The following ST6GALNAC3 variants were observed in gnomAD, a reference collection of about 807,000 sequenced individuals.
The protein encoded by ST6GALNAC3 is alpha-N-acetylgalactosaminide alpha-2,6-sialyltransferase 3.
Under a neutral mutation model 32.7 loss-of-function variants are expected in ST6GALNAC3, and 25 were observed. That is an observed-to-expected ratio of 0.76 (90% CI 0.56 to 1.07). The LOEUF is 1.07. ST6GALNAC3 is among the 50% of genes least tolerant of loss of function. ST6GALNAC3 has a pLI of 0.00. For synonymous variants in ST6GALNAC3, 129 were observed against 133.1 expected (o/e 0.97, Z 0.21); for missense variants, 355 against 382.4 (o/e 0.93, Z 0.60).
In ST6GALNAC3 at chr1:76,151,810, T is replaced by C. The variant is rs149925853; in HGVS notation, c.18+76926T>C. 5.1e-3 allele frequency among the ~76,000 whole-genome samples: 774 copies of C among 152,278 alleles called. 8 individuals are homozygous for C. The highest frequency in any genetic ancestry group is 0.017 in the African/African-American group (713 of 41,558). Reference sequence around the variant, plus strand: ...CTTTGCTGCAGGTCCCATCCCGGATTCACCTTCCCAGGGATGCTAGATGGG... The same window carrying C: ...CTTTGCTGCAGGTCCCATCCCGGATCCACCTTCCCAGGGATGCTAGATGGG... On this transcript the variant is annotated intron_variant, in intron 1 of 4. Coordinates refer to ENST00000328299, the MANE Select transcript of ST6GALNAC3 (RefSeq NM_152996.4).
At chr1:76,399,189 A>G (rs1016564830) in intron 2 of ST6GALNAC3, among the ~76,000 whole-genome samples, 9 of 152,076 alleles carry the variant, frequency 5.9e-5, no homozygotes, top group South Asian at 2.1e-4. Context: ...GGATAGTATA[A>G]TTCATTTTAT....
chr1:76,107,458 A>G (rs1647616205), intron 1 of ST6GALNAC3, among the ~76,000 whole-genome samples: 1 of 152,156 alleles, frequency 6.6e-6, no homozygotes. Context: ...GATTGGTCTG[A>G]TTGTCAAAGT....
At chr1:76,231,858 A>G (rs993187769) in intron 1 of ST6GALNAC3, among the ~76,000 whole-genome samples, 2 of 152,208 alleles carry the variant, frequency 1.3e-5, no homozygotes, top group Non-Finnish European at 2.9e-5. Context: ...TATTCCCAGA[A>G]GTGGAATTGC....
intron 1 of ST6GALNAC3, among the ~76,000 whole-genome samples, chr1:76,193,088 G>C (rs1487637091): frequency 1.3e-5 from 2 of 152,070 alleles, no homozygotes; most frequent in Admixed American, 1.3e-4. Context: ...AAGCTTTTGT[G>C]CTTCTGAGTA....
intron 1 of ST6GALNAC3, among the ~76,000 whole-genome samples, chr1:76,255,870 G>A (rs1014920875): frequency 7.9e-5 from 12 of 151,858 alleles, no homozygotes; most frequent in African/African-American, 2.9e-4. Context: ...ATAAAAGGCA[G>A]GAAAAGTAGG....
At chr1:76,537,403 C>A (rs987128632) in intron 3 of ST6GALNAC3, among the ~76,000 whole-genome samples, 1 of 152,122 alleles carries the variant, frequency 6.6e-6, no homozygotes, top group Non-Finnish European at 1.5e-5. Flanking sequence ...CCTACCATCA[C>A]AATTAAAAGA....
At chr1:76,610,051 A>G (rs958630137) in intron 3 of ST6GALNAC3, among the ~76,000 whole-genome samples, 6 of 152,012 alleles carry the variant, frequency 3.9e-5, no homozygotes, top group African/African-American at 1.5e-4. Flanking sequence ...TGTTTCTCTT[A>G]TTTTAGTATC....
chr1:76,297,274 A>C (rs1054299228), intron 1 of ST6GALNAC3, among the ~76,000 whole-genome samples: 4 of 152,052 alleles, frequency 2.6e-5, no homozygotes, highest in African/African-American at 9.7e-5. Flanking sequence ...CTCAATATCC[A>C]CAGCAATAAT....
At chr1:76,604,217 A>G (rs1167138859) in intron 3 of ST6GALNAC3, among the ~76,000 whole-genome samples, 2 of 152,218 alleles carry the variant, frequency 1.3e-5, no homozygotes, top group Non-Finnish European at 2.9e-5. Flanking sequence ...CAAGATTACC[A>G]AAACAATGCA....
At chr1:76,378,686 A>G (rs887451913) in intron 2 of ST6GALNAC3, among the ~76,000 whole-genome samples, 2 of 149,854 alleles carry the variant, frequency 1.3e-5, no homozygotes, top group African/African-American at 4.9e-5. Context: ...AAAATTAAAA[A>G]TTTGCTTTTT....
intron 2 of ST6GALNAC3, among the ~76,000 whole-genome samples, chr1:76,390,417 A>G (rs1489935118): frequency 6.6e-6 from 1 of 152,180 alleles, no homozygotes; most frequent in Non-Finnish European, 1.5e-5. Context: ...TACGTTACTG[A>G]AAAATTATTA....
At chr1:76,456,171 C>T (rs1032141384) in intron 3 of ST6GALNAC3, among the ~76,000 whole-genome samples, 1 of 151,552 alleles carries the variant, frequency 6.6e-6, no homozygotes, top group African/African-American at 2.4e-5. Context: ...AACTCTGTCC[C>T]AAAAAGAAAA....
intron 2 of ST6GALNAC3, among the ~76,000 whole-genome samples, chr1:76,366,195 C>T (rs760689126): frequency 6.6e-6 from 1 of 152,028 alleles, no homozygotes; most frequent in Non-Finnish European, 1.5e-5. Context: ...ATTTTTAACC[C>T]AGCTTAAATT....
intron 3 of ST6GALNAC3, among the ~76,000 whole-genome samples, chr1:76,493,409 A>G (rs991958224): frequency 2.6e-5 from 4 of 152,216 alleles, no homozygotes; most frequent in African/African-American, 9.6e-5. Flanking sequence ...AAATAAAAAC[A>G]CAATAGCTAC....
At chr1:76,158,113 A>G (rs977572694) in intron 1 of ST6GALNAC3, among the ~76,000 whole-genome samples, 16 of 152,244 alleles carry the variant, frequency 1.1e-4, no homozygotes, top group South Asian at 4.1e-4. Flanking sequence ...ATTAATAAAC[A>G]TGCCTCTTTC....
At chr1:76,257,688 G>A (rs1657996590) in intron 1 of ST6GALNAC3, among the ~76,000 whole-genome samples, 1 of 151,832 alleles carries the variant, frequency 6.6e-6, no homozygotes, top group South Asian at 2.1e-4. Context: ...CATCTATTTG[G>A]CCTGTACCCA....
chr1:76,525,798 T>TAC (rs1662861151), intron 3 of ST6GALNAC3, among the ~76,000 whole-genome samples: 1 of 59,152 alleles, frequency 1.7e-5, no homozygotes. Flanking sequence ...TGTGTATATA[T>TAC]ATATATATAT....
intron 3 of ST6GALNAC3, among the ~76,000 whole-genome samples, chr1:76,585,166 C>T (rs1229752485): frequency 6.6e-6 from 1 of 152,112 alleles, no homozygotes; most frequent in African/African-American, 2.4e-5. Context: ...AGGCGGATCA[C>T]CTGAGGTCAG....
chr1:76,361,595 A>G (rs1649940005), intron 2 of ST6GALNAC3, among the ~76,000 whole-genome samples: 1 of 152,162 alleles, frequency 6.6e-6, no homozygotes, highest in Non-Finnish European at 1.5e-5. Context: ...CTCTATGAAG[A>G]TGAAGGAAGA....
Sources: allele counts gnomAD v4.1 joint callset (sites outside exome capture counted in the v4.1 genomes callset), GRCh38; gene constraint gnomAD v4.1.1; transcripts MANE v1.5; gene names NCBI Gene and HGNC (gene_info 2026-07-23, HGNC 2026-07-21).